ESYT1: variants seen among roughly 807,000 people sequenced by gnomAD.
The protein encoded by ESYT1 is extended synaptotagmin-1.
ESYT1 carries 116 observed loss-of-function variants against 154.2 expected under a neutral mutation model. That is an observed-to-expected ratio of 0.75 (90% CI 0.65 to 0.88). ESYT1 has a LOEUF of 0.88. Among genes scored for constraint, ESYT1 ranks in the 40% least tolerant of loss-of-function variants. The probability of loss-of-function intolerance (pLI) is 0.00; values close to 1 mark genes in which losing one functional copy is unlikely to be tolerated. For missense variants in ESYT1, 1,264 were observed against 1,379.3 expected (o/e 0.92, Z 1.32); for synonymous variants, 500 against 539.9 (o/e 0.93, Z 1.02).
At chr12:56,130,348 C>G (rs181073139) in intron 1 of ESYT1, 1 of 599,238 alleles carries the variant, frequency 1.7e-6, no homozygotes, top group Non-Finnish European at 3.0e-6. Context: ...CGTCCCTGAG[C>G]TATCCACAGG....
chr12:56,134,374 G>A lies in ESYT1; in HGVS notation c.1578G>A (p.Glu526=), dbSNP rs776271889. The stretch of plus-strand genomic sequence containing the variant: ...ACAGTACCAACTGCCCAGTGTGGGA[G>A]GAAGCGTTCCGGTTCTTCCTACAAG... ...AVYSTNCPVW[E]EAFRFFLQDP... is the part of the protein sequence containing the mutation. The change falls in exon 15 of 31, where the codon GAG becomes GAA. Residue 526 remains glutamate (E), a synonymous_variant. Transcript: ENST00000394048. 13 of 1,614,150 alleles carry A rather than the reference G, an allele frequency of 8.1e-6. No individual in the cohort carries two copies. The Admixed American group carries it at 2.2e-4, about 27-fold the overall frequency.
In ESYT1 at chr12:56,128,351, C is replaced by G. The variant is rs1259776368; in HGVS notation, c.32C>G (p.Pro11Arg). Reference sequence around the variant, plus strand: ...CGATCTCCAGGAGAGGGCCCCAGCCCCAGCCCCATGGACCAGCCCTCTGCT... The same window carrying G: ...CGATCTCCAGGAGAGGGCCCCAGCCGCAGCCCCATGGACCAGCCCTCTGCT... MERSPGEGPSPSPMDQPSAPS... is the reference protein window; with the variant it reads MERSPGEGPSRSPMDQPSAPS... The change falls in exon 1 of 31, where the codon CCC (proline) becomes CGC (arginine). Residue 11 changes from proline (P) to arginine (R), a missense_variant. Physicochemically the swap from Pro to Arg is moderately radical, Grantham distance 103. Coordinates refer to ENST00000394048, the MANE Select transcript of ESYT1 (RefSeq NM_015292.3). 6.2e-7 allele frequency: 1 copy of G among 1,612,070 alleles called. No individual in the cohort carries two copies. The highest frequency in any genetic ancestry group is 1.7e-5 in the Admixed American group (1 of 59,766).
Position 56,136,826 on chromosome 12 carries a change from T to TG in ESYT1, c.1717dup (p.Asp573GlyfsTer48). 6.2e-7 allele frequency: 1 copy of TG among 1,613,222 alleles called. No homozygotes were observed. Among genetic ancestry groups the TG allele is most frequent in the East Asian group, 2.2e-5 (1 of 44,846 alleles). On this transcript the variant is annotated frameshift_variant, in exon 16 of 31. Transcript: ENST00000394048. LOFTEE classifies it high-confidence loss of function. ...CTGCTGACTGCCCCAGAACTCATCC[T>TG]GGACCAGTGGTTCCAGCTCAGCAGC...
At chr12:56,129,353 C>T (rs1260562125) in intron 1 of ESYT1, 1 of 158,258 alleles carries the variant, frequency 6.3e-6, no homozygotes, top group East Asian at 1.9e-4. Flanking sequence ...CACACTCCCC[C>T]GCACTCCTCG....
chr12:56,134,881 G>A (rs1870387637), intron 15 of ESYT1, among the ~76,000 whole-genome samples: 1 of 152,152 alleles, frequency 6.6e-6, no homozygotes, highest in Middle Eastern at 3.2e-3. Context: ...TTATAGGCAT[G>A]AGCCACTGCA....
In ESYT1 at chr12:56,132,474, A is replaced by C; in HGVS notation, c.1038A>C (p.Lys346Asn). 7 of 1,614,154 alleles carry C rather than the reference A, an allele frequency of 4.3e-6. No homozygotes were observed. Among genetic ancestry groups the C allele is most frequent in the Non-Finnish European group, 5.9e-6 (7 of 1,180,034 alleles). Reference protein sequence around the residue: ...LAARGLSSKDKYVKGLIEGKS... With the variant: ...LAARGLSSKDNYVKGLIEGKS... ...CTCGAGGGCTGAGTTCCAAGGACAAATATGTGAAGGGCCTGATTGAGGGCA... is the reference window on the plus strand; with the variant it reads ...CTCGAGGGCTGAGTTCCAAGGACAACTATGTGAAGGGCCTGATTGAGGGCA... Residue 346 changes from lysine (K) to asparagine (N), a missense_variant, in exon 9 of 31, where the codon AAA becomes AAC. By Grantham distance (94) the Lys-to-Asn change is moderately conservative (BLOSUM62 0). Coordinates refer to ENST00000394048, the MANE Select transcript of ESYT1 (RefSeq NM_015292.3).
At position 56,132,590 on chromosome 12, in the gene ESYT1, C is replaced by T. The variant is rs1278934480; in HGVS notation, c.1154C>T (p.Thr385Ile). ...DEELNPQWGE[T>I]YEVMVHEVPG... is the part of the protein sequence containing the mutation. ...GAACTCAACCCACAGTGGGGAGAGA[C>T]TTATGAGGTGGGAGAGTTGAGCAGC... is the stretch of plus-strand genomic sequence containing the variant. Residue 385 changes from threonine to isoleucine, a missense_variant, in exon 9 of 31, where the codon ACT (threonine) becomes ATT (isoleucine). Thr to Ile is a moderately conservative substitution (Grantham distance 89). Transcript: ENST00000394048. 5 of 1,614,000 alleles carry T rather than the reference C, an allele frequency of 3.1e-6. No individual in the cohort carries two copies. Among genetic ancestry groups the T allele is most frequent in the Non-Finnish European group, 4.2e-6 (5 of 1,180,034 alleles).
chr12:56,141,632 T>G (rs575912170), intron 24 of ESYT1, among the ~76,000 whole-genome samples: 1 of 152,044 alleles, frequency 6.6e-6, no homozygotes, highest in Non-Finnish European at 1.5e-5. Context: ...CCCAGCTACT[T>G]GGGAGGCTGA....
rs374144011 is a variant in ESYT1 at position 56,143,799 on chromosome 12, T to C, written c.3276-24T>C. ...AATATGATGACACAAGAGTCATCTT[T>C]CTACATGAGCCCTCTTTTCACAGGT... On this transcript the variant is annotated intron_variant, in intron 30 of 30. Transcript: ENST00000394048. The C allele has an allele frequency of 7.4e-6, 12 of 1,614,012 alleles. No homozygotes were observed. The African/African-American group carries it at 1.6e-4, about 22-fold the overall frequency.
rs1870530920 is a variant in ESYT1 at position 56,137,929 on chromosome 12, G to C, written c.2198+15G>C. ...TTTCTGGGCAGGTGAGAGCATAGGAGTCTACGTGAAAAACAGGCTGGGGCT... is the reference window on the plus strand; with the variant it reads ...TTTCTGGGCAGGTGAGAGCATAGGACTCTACGTGAAAAACAGGCTGGGGCT... On this transcript the variant is annotated intron_variant, in intron 19 of 30. Coordinates refer to ENST00000394048, the MANE Select transcript of ESYT1 (RefSeq NM_015292.3). 1 of 1,614,006 alleles carries C rather than the reference G, an allele frequency of 6.2e-7. No individual in the cohort carries two copies. The highest frequency in any genetic ancestry group is 8.5e-7 in the Non-Finnish European group (1 of 1,179,966).
chr12:56,140,381 TTTGAAACAGAG>T (rs1251743156), intron 24 of ESYT1, among the ~76,000 whole-genome samples: 3 of 152,118 alleles, frequency 2.0e-5, no homozygotes, highest in Admixed American at 2.0e-4. Flanking sequence ...TTATTATTTT[TTTGAAACAGAG>T]TCTTGCTCTG....
chr12:56,143,414 T>G (rs1397136480), intron 29 of ESYT1, 81 bp downstream of exon 29: 1 of 1,509,348 alleles, frequency 6.6e-7, no homozygotes, highest in Admixed American at 1.7e-5. Flanking sequence ...AGGAAGGAAG[T>G]ACCCCACGTG....
chr12:56,132,248 C>T lies in ESYT1; in HGVS notation c.900C>T (p.Ala300=). The T allele has an allele frequency of 6.2e-7, 1 of 1,614,160 alleles. No homozygotes were observed. The highest frequency in any genetic ancestry group is 8.5e-7 in the Non-Finnish European group (1 of 1,180,036). Reference sequence around the variant, plus strand: ...CCATGATCATGGACTCCATTGCTGCCTTCCTCGTGTTGCCCAACCGATTAC... The same window carrying T: ...CCATGATCATGGACTCCATTGCTGCTTTCCTCGTGTTGCCCAACCGATTAC... The part of the protein sequence containing the change: ...SDTMIMDSIA[A]FLVLPNRLLV... The change falls in exon 8 of 31, where the codon GCC becomes GCT. Residue 300 remains alanine (A), a synonymous_variant. Coordinates refer to ENST00000394048, the MANE Select transcript of ESYT1 (RefSeq NM_015292.3).
At position 56,142,814 on chromosome 12, in the gene ESYT1, CCTA is replaced by C; in HGVS notation, c.2889-18_2889-16del. On this transcript the variant is annotated intron_variant, in intron 26 of 30. Coordinates refer to ENST00000394048, the MANE Select transcript of ESYT1 (RefSeq NM_015292.3). This position sits in a 1 kb window ranked among gnomAD's most constrained non-coding sequence, Gnocchi z 4.1. The stretch of plus-strand genomic sequence containing the variant: ...TCACTAGGCTCTAGCTTTCCCCAGA[CCTA>C]CTGATATTTCTCCACAGTCCCCTTG... The C allele has an allele frequency of 1.2e-6, 2 of 1,614,006 alleles. No homozygotes were observed. The highest frequency in any genetic ancestry group is 1.7e-6 in the Non-Finnish European group (2 of 1,179,910).
Position 56,142,307 on chromosome 12 carries a change from T to A in ESYT1, c.2615T>A (p.Val872Glu). Reference sequence around the variant, plus strand: ...CAGGTTCGGGGTGAGGGCACTGGCGTGCTGGGCTCATTATCCCTGCCCCTC... The same window carrying A: ...CAGGTTCGGGGTGAGGGCACTGGCGAGCTGGGCTCATTATCCCTGCCCCTC... ...ELQVRGEGTGVLGSLSLPLSE... is the reference protein window; with the variant it reads ...ELQVRGEGTGELGSLSLPLSE... The change falls in exon 25 of 31, where the codon GTG becomes GAG. Residue 872 changes from valine to glutamate, a missense_variant. Physicochemically the swap from Val to Glu is moderately radical, Grantham distance 121. Transcript: ENST00000394048. This position sits in a 1 kb window ranked among gnomAD's most constrained non-coding sequence, Gnocchi z 4.1. 1.2e-6 allele frequency: 2 copies of A among 1,614,166 alleles called. No individual in the cohort carries two copies. Among genetic ancestry groups the A allele is most frequent in the Non-Finnish European group, 1.7e-6 (2 of 1,180,044 alleles).
At chr12:56,131,622 G>A in intron 6 of ESYT1, 56 bp downstream of exon 6, 2 of 1,605,694 alleles carry the variant, frequency 1.2e-6, no homozygotes, top group Non-Finnish European at 1.7e-6. Flanking sequence ...GGACTGGGAG[G>A]ATGAGGGCAG....
chr12:56,138,556 G>GTTTTTACTGTTGTTTTCT, intron 22 of ESYT1, 57 bp downstream of exon 22: 2 of 1,475,226 alleles, frequency 1.4e-6, no homozygotes, highest in Non-Finnish European at 1.9e-6. Context: ...ACCTTCCTCC[G>GTTTTTACTGTTGTTTTCT]GTTTGGATGG....
At position 56,142,987 on chromosome 12, in the gene ESYT1, T is replaced by C; in HGVS notation, c.2988-30T>C. The C allele has an allele frequency of 6.2e-7, 1 of 1,614,154 alleles. No individual in the cohort carries two copies. The highest frequency in any genetic ancestry group is 8.5e-7 in the Non-Finnish European group (1 of 1,180,026). On this transcript the variant is annotated intron_variant, in intron 27 of 30. Coordinates refer to ENST00000394048, the MANE Select transcript of ESYT1 (RefSeq NM_015292.3). The surrounding 1 kb of genome is among the most constrained non-coding windows in gnomAD (Gnocchi z 4.1). ...ATCGCCTCCATCCCTTCCCTCAGGT[T>C]ACCATATCACCTACATCCTCCTGTT...
At chr12:56,134,239 G>T in intron 14 of ESYT1, 58 bp downstream of exon 14, 2 of 1,603,368 alleles carry the variant, frequency 1.2e-6, no homozygotes. Flanking sequence ...GCCTATTCTT[G>T]GGATGGTTTC....
Sources: allele counts gnomAD v4.1 joint callset (sites outside exome capture counted in the v4.1 genomes callset), GRCh38; gene constraint gnomAD v4.1.1; non-coding constraint Gnocchi (gnomAD v3.1); transcripts MANE v1.5; gene names NCBI Gene and HGNC (gene_info 2026-07-23, HGNC 2026-07-21).